The following NDUFAF6 variants were observed in gnomAD, a reference collection of about 807,000 sequenced individuals.
The protein encoded by NDUFAF6 is NADH dehydrogenase (ubiquinone) complex I, assembly factor 6.
NDUFAF6 carries 45 observed loss-of-function variants against 40.8 expected under a neutral mutation model. The observed-to-expected ratio is 1.10, with a 90% CI of 0.87 to 1.42. NDUFAF6 has a LOEUF of 1.42. Ranked by LOEUF, NDUFAF6 falls within the 40% of genes most tolerant of loss-of-function variation. NDUFAF6 has a pLI of 0.00. For missense variants in NDUFAF6, 435 were observed against 418.5 expected, an observed-to-expected ratio of 1.04 and a Z score of -0.34; for synonymous variants, 185 against 155.9, an observed-to-expected ratio of 1.19 and a Z score of -1.39.
intron 1 of NDUFAF6, among the ~76,000 whole-genome samples, chr8:95,029,344 G>T (rs2131747062): frequency 7.2e-6 from 1 of 139,836 alleles, no homozygotes; most frequent in Middle Eastern, 3.5e-3. Flanking sequence ...TACACAGAGA[G>T]CCAATATACT....
intron 9 of NDUFAF6, chr8:95,075,537 C>T (rs1280956523): frequency 2.8e-6 from 3 of 1,066,744 alleles, no homozygotes; most frequent in African/African-American, 3.3e-5. Context: ...TTTTATCCTC[C>T]CCAGGCCAAC....
intron 1 of NDUFAF6, among the ~76,000 whole-genome samples, chr8:94,936,121 T>G (rs1820951812): frequency 6.6e-6 from 1 of 152,130 alleles, no homozygotes; most frequent in Admixed American, 6.5e-5. Context: ...AATTTCCACA[T>G]GAGAGGCATT....
chr8:95,031,971 G>A (rs765929406), intron 1 of NDUFAF6, 24 bp from the exon 2 acceptor site: 1 of 1,596,798 alleles, frequency 6.3e-7, no homozygotes, highest in Non-Finnish European at 8.6e-7. Flanking sequence ...AAGAGTAACT[G>A]TCTTTTTTTT....
chr8:94,968,676 CA>C (rs1824211167), intron 1 of NDUFAF6, among the ~76,000 whole-genome samples: 1 of 152,106 alleles, frequency 6.6e-6, no homozygotes, highest in Admixed American at 6.6e-5. Context: ...AGGTTCTGCA[CA>C]GGGGTGTGAT....
chr8:95,109,524 T>C (rs1343147836), intron 4 of NDUFAF6, among the ~76,000 whole-genome samples: 1 of 152,172 alleles, frequency 6.6e-6, no homozygotes, highest in Non-Finnish European at 1.5e-5. Flanking sequence ...TGATAAGATG[T>C]ATAAATGCGT....
upstream of NDUFAF6, among the ~76,000 whole-genome samples, chr8:95,097,655 C>T (rs1014815818): frequency 4.6e-5 from 7 of 152,144 alleles, no homozygotes; most frequent in Admixed American, 2.0e-4. Flanking sequence ...ACTGAGATCA[C>T]GCCATTGCAC....
chr8:94,907,247 C>T (rs1818452817), intron 1 of NDUFAF6, among the ~76,000 whole-genome samples: 1 of 152,170 alleles, frequency 6.6e-6, no homozygotes, highest in African/African-American at 2.4e-5. Context: ...CTAGAGTTTG[C>T]ATTTCTCTTA....
At chr8:95,038,549 T>G (rs1318913441) in intron 3 of NDUFAF6, among the ~76,000 whole-genome samples, 8 of 152,144 alleles carry the variant, frequency 5.3e-5, no homozygotes, top group African/African-American at 1.9e-4. Context: ...GGTCTCACTT[T>G]GTTGCCCAGG....
At chr8:94,987,580 G>GA (rs1335073496) in intron 2 of NDUFAF6, among the ~76,000 whole-genome samples, 3 of 152,158 alleles carry the variant, frequency 2.0e-5, no homozygotes, top group Non-Finnish European at 4.4e-5. Context: ...CTTACACACT[G>GA]AAAAATGCAC....
At chr8:94,972,970 G>C (rs1457462042) in intron 1 of NDUFAF6, among the ~76,000 whole-genome samples, 1 of 152,156 alleles carries the variant, frequency 6.6e-6, no homozygotes, top group Non-Finnish European at 1.5e-5. Context: ...TCAGCACTTT[G>C]GGAGGCCAAG....
chr8:95,053,325 A>G (rs893067227), intron 8 of NDUFAF6, among the ~76,000 whole-genome samples: 7 of 152,238 alleles, frequency 4.6e-5, no homozygotes, highest in Middle Eastern at 3.2e-3. Flanking sequence ...ATATACATAT[A>G]ATCATACATG....
intron 7 of NDUFAF6, among the ~76,000 whole-genome samples, chr8:95,049,573 C>CT (rs896289795): frequency 4.6e-5 from 7 of 151,860 alleles, no homozygotes; most frequent in African/African-American, 7.3e-5. Context: ...TGAACCTTTT[C>CT]TTTTTTTTAG....
rs149120164 is a variant in NDUFAF6, at chr8:94,960,474, T to C, written c.-199+2295T>C. 7.3e-3 allele frequency among the ~76,000 whole-genome samples: 1,116 copies of C among 152,350 alleles called. 16 individuals carry two copies. Among genetic ancestry groups the C allele is most frequent in the African/African-American group, 0.025 (1,054 of 41,580 alleles). On this transcript the variant is annotated intron_variant, in intron 1 of 9. Transcript: ENST00000396111. ...GGTGGAAACTGCTCCATGTCTGTTA[T>C]ATGGGTGGCTGTTGTGGAACTAATG...
intron 1 of NDUFAF6, among the ~76,000 whole-genome samples, chr8:94,941,874 A>G (rs1821570460): frequency 6.6e-6 from 1 of 152,162 alleles, no homozygotes; most frequent in African/African-American, 2.4e-5. Flanking sequence ...ATATTTATCC[A>G]TTTCTACCTG....
intron 1 of NDUFAF6, among the ~76,000 whole-genome samples, chr8:94,978,183 C>G (rs928647220): frequency 6.6e-6 from 1 of 152,160 alleles, no homozygotes; most frequent in Non-Finnish European, 1.5e-5. Context: ...CATTCAGTCC[C>G]ATCCCCTATT....
chr8:95,069,664 CAG>C, intron 9 of NDUFAF6, among the ~76,000 whole-genome samples: 2 of 150,398 alleles, frequency 1.3e-5, no homozygotes, highest in Non-Finnish European at 2.9e-5. Context: ...CCTATAATCC[CAG>C]CTACTCGGGA....
intron 2 of NDUFAF6, among the ~76,000 whole-genome samples, chr8:94,981,968 G>A (rs1012349444): frequency 1.2e-4 from 18 of 151,260 alleles, no homozygotes; most frequent in African/African-American, 9.7e-5. Context: ...GGTGGCTCAC[G>A]CCTGTAATCC....
intron 1 of NDUFAF6, chr8:94,980,717 T>C (rs370314391): frequency 1.3e-5 from 1 of 77,014 alleles, no homozygotes; most frequent in Non-Finnish European, 2.4e-5. Flanking sequence ...TCCCGAAGTT[T>C]GGGTTTGAAG....
chr8:94,997,289 G>GACAC (rs57953301), intron 2 of NDUFAF6, among the ~76,000 whole-genome samples: 1,423 of 94,634 alleles, frequency 0.015, 20 homozygotes, highest in Non-Finnish European at 0.022. Flanking sequence ...CAAGAAGAAA[G>GACAC]ACACACACAC....
Sources: allele counts gnomAD v4.1 joint callset (sites outside exome capture counted in the v4.1 genomes callset), GRCh38; gene constraint gnomAD v4.1.1; transcripts MANE v1.5; gene names NCBI Gene and HGNC (gene_info 2026-07-23, HGNC 2026-07-21).